Variants in UMODL1 observed in about 807,000 individuals in gnomAD.
UMODL1 encodes uromodulin-like 1.
In UMODL1, 128 loss-of-function variants were observed where a neutral mutation model predicts 136.3. The observed-to-expected ratio is 0.94, with a 90% CI of 0.81 to 1.09. UMODL1 has a LOEUF of 1.09. Among genes scored for constraint, UMODL1 ranks in the 50% least tolerant of loss-of-function variants. The pLI is 0.00. For missense variants in UMODL1, 1,766 were observed against 1,725.6 expected, an observed-to-expected ratio of 1.02 and a Z score of -0.41; for synonymous variants, 721 against 720.0, an observed-to-expected ratio of 1.00 and a Z score of -0.02.
chr21:42,104,219 AC>A, intron 9 of UMODL1, 132 bp downstream of exon 9: 1 of 1,018,682 alleles, frequency 9.8e-7, no homozygotes, highest in Non-Finnish European at 1.4e-6. Flanking sequence ...ATCTTCCTCC[AC>A]CGGAACCAGG....
chr21:42,138,491 G>A (rs2067238415), intron 22 of UMODL1, among the ~76,000 whole-genome samples: 1 of 152,182 alleles, frequency 6.6e-6, no homozygotes, highest in Non-Finnish European at 1.5e-5. Flanking sequence ...CACCACAAAT[G>A]AATGACAAGC....
chr21:42,107,760 A>C (rs2066742630), intron 9 of UMODL1, among the ~76,000 whole-genome samples: 1 of 152,086 alleles, frequency 6.6e-6, no homozygotes. Context: ...AGGGTGGCCC[A>C]GGAGATCTGG....
chr21:42,126,874 G>A (rs368402917), intron 18 of UMODL1, 132 bp from the exon 19 acceptor site: 3 of 807,882 alleles, frequency 3.7e-6, no homozygotes, highest in East Asian at 2.4e-5. Context: ...GCTCTCGTTT[G>A]GGGTTGAGGG....
chr21:42,104,026 A>G lies in UMODL1; in HGVS notation c.1458A>G (p.Ile486Met). ...TGGGCATCTCCACGCTGGCCCCCAT[A>G]CTCCAGCCCCTGTTGGCAAGCACAG... ...FPMGISTLAP[I>M]LQPLLASTVF... Residue 486 changes from isoleucine to methionine, a missense_variant, in exon 9 of 23, where the codon ATA becomes ATG. Transcript: ENST00000408910. 6.2e-7 allele frequency: 1 copy of G among 1,613,478 alleles called. No homozygotes were observed. Among genetic ancestry groups the G allele is most frequent in the Non-Finnish European group, 8.5e-7 (1 of 1,179,896 alleles).
intron 6 of UMODL1, among the ~76,000 whole-genome samples, chr21:42,094,785 A>C (rs2066533974): frequency 6.6e-6 from 1 of 152,102 alleles, no homozygotes; most frequent in Non-Finnish European, 1.5e-5. Context: ...ACACAAAGAA[A>C]ACTCTCCAAG....
At chr21:42,125,923 G>A (rs1275461654) in intron 17 of UMODL1, among the ~76,000 whole-genome samples, 1 of 152,226 alleles carries the variant, frequency 6.6e-6, no homozygotes, top group African/African-American at 2.4e-5. Flanking sequence ...CTCCCTCTGT[G>A]TTTTTCTGAA....
chr21:42,088,951 A>G (rs1184569250), intron 5 of UMODL1, among the ~76,000 whole-genome samples: 2 of 152,226 alleles, frequency 1.3e-5, no homozygotes, highest in Non-Finnish European at 2.9e-5. Flanking sequence ...CAATTTGTCT[A>G]AAGTTGAATT....
chr21:42,096,175 A>C (rs1197142317), intron 6 of UMODL1, among the ~76,000 whole-genome samples: 1 of 152,210 alleles, frequency 6.6e-6, no homozygotes, highest in African/African-American at 2.4e-5. Flanking sequence ...GACAATTCCA[A>C]ATGCTTCAAG....
rs907086810 is a variant in UMODL1 at position 42,126,420 on chromosome 21, A to C, written c.3223A>C (p.Ile1075Leu). 6 of 1,614,204 alleles carry C rather than the reference A, an allele frequency of 3.7e-6. No homozygotes were observed. Among genetic ancestry groups the C allele is most frequent in the Non-Finnish European group, 5.1e-6 (6 of 1,180,028 alleles). ...SQEGIIHHLK[I>L]LSPIYCAFQN... ...GGAGGGCATCATCCACCACCTGAAG[A>C]TCCTGAGCCCCATCTACTGCGCCTT... Residue 1075 changes from isoleucine to leucine, a missense_variant, in exon 18 of 23, where the codon ATC becomes CTC. Transcript: ENST00000408910.
intron 2 of UMODL1, 147 bp downstream of exon 2, chr21:42,076,394 G>C (rs1240673869): frequency 7.6e-7 from 1 of 1,313,888 alleles, no homozygotes; most frequent in Non-Finnish European, 1.0e-6. Context: ...GCAGGTCATC[G>C]GCAGGGCTTT....
At chr21:42,120,984 T>G (rs1601255606) in intron 15 of UMODL1, 103 bp from the exon 16 acceptor site, 10 of 1,431,402 alleles carry the variant, frequency 7.0e-6, no homozygotes. Flanking sequence ...GTGGCTGGAG[T>G]TTCCAGCTTT....
At chr21:42,130,247 C>A (rs111586294) in intron 21 of UMODL1, among the ~76,000 whole-genome samples, 1 of 100,874 alleles carries the variant, frequency 9.9e-6, no homozygotes, top group African/African-American at 3.5e-5. Flanking sequence ...TGTGTGTGTG[C>A]GTGCACACGA....
At chr21:42,101,332 C>A (rs1172831460) in intron 7 of UMODL1, among the ~76,000 whole-genome samples, 1 of 152,084 alleles carries the variant, frequency 6.6e-6, no homozygotes, top group African/African-American at 2.4e-5. Flanking sequence ...AGTGCTCCTC[C>A]CTCTTGCTAA....
rs779762485 is a variant in UMODL1, at chr21:42,102,195, A to G, written c.1216A>G (p.Ile406Val). The change falls in exon 8 of 23, where the codon ATT (isoleucine) becomes GTT (valine). Residue 406 changes from isoleucine (I) to valine (V), a missense_variant. By Grantham distance (29) the Ile-to-Val change is conservative. Coordinates refer to ENST00000408910, the MANE Select transcript of UMODL1 (RefSeq NM_001004416.3). Reference sequence around the variant, plus strand: ...CCAGGTATTTGAAGTCACAATAAAGATTGTAAACCACAACCTGACGGAGAA... The same window carrying G: ...CCAGGTATTTGAAGTCACAATAAAGGTTGTAAACCACAACCTGACGGAGAA... ...NAQVFEVTIK[I>V]VNHNLTEKLL... is the part of the protein sequence containing the mutation. 6.2e-7 allele frequency: 1 copy of G among 1,613,636 alleles called. No individual in the cohort carries two copies. Among genetic ancestry groups the G allele is most frequent in the African/African-American group, 1.3e-5 (1 of 74,930 alleles).
In UMODL1 at chr21:42,142,245, C is replaced by T. The variant is rs1291640951; in HGVS notation, c.*171C>T. ...GTCTGCTCTGACGGGTGGGCTCTGCCAGAGCCCGGGTGAGCCCAGAAAGGA... is the reference window on the plus strand; with the variant it reads ...GTCTGCTCTGACGGGTGGGCTCTGCTAGAGCCCGGGTGAGCCCAGAAAGGA... On this transcript the variant is annotated 3_prime_UTR_variant, in exon 23 of 23. Coordinates refer to ENST00000408910, the MANE Select transcript of UMODL1 (RefSeq NM_001004416.3). 1.3e-5 allele frequency: 2 copies of T among 152,286 alleles called. No individual in the cohort carries two copies. Among genetic ancestry groups the T allele is most frequent in the Non-Finnish European group, 2.9e-5 (2 of 68,116 alleles). 9.4% of individuals were successfully genotyped at this position (152,286 alleles called of 1,614,324 possible). A position where few individuals can be genotyped will look rare whatever the true frequency, so the allele number is the denominator to read the frequency against.
chr21:42,090,085 G>A, intron 5 of UMODL1, among the ~76,000 whole-genome samples: 1 of 152,218 alleles, frequency 6.6e-6, no homozygotes, highest in East Asian at 1.9e-4. Flanking sequence ...CTGAACGTGG[G>A]CTGCTGCTTG....
chr21:42,111,266 A>T (rs767407638), intron 11 of UMODL1, 145 bp downstream of exon 11: 1 of 1,416,500 alleles, frequency 7.1e-7, no homozygotes, highest in African/African-American at 1.5e-5. Flanking sequence ...CAGCCAGGGG[A>T]GCCCCAGCCA....
rs1569172414 is a variant in UMODL1, at chr21:42,123,477, G to A, written c.3147+327G>A. On this transcript the variant is annotated intron_variant, in intron 17 of 22. Coordinates refer to ENST00000408910, the MANE Select transcript of UMODL1 (RefSeq NM_001004416.3). This position sits in a 1 kb window ranked among gnomAD's most constrained non-coding sequence, Gnocchi z 4.4. Reference sequence around the variant, plus strand: ...AAAGCCAAGGAGTCCTGTGTGATATGAGAGTGTGTGTGTGTGAGTGTACGT... The same window carrying A: ...AAAGCCAAGGAGTCCTGTGTGATATAAGAGTGTGTGTGTGTGAGTGTACGT... Among the ~76,000 whole-genome samples the A allele has an allele frequency of 7.3e-6, 1 of 137,180 alleles. No individual in the cohort carries two copies. The highest frequency in any genetic ancestry group is 1.6e-5 in the Non-Finnish European group (1 of 60,784). The allele number at this position is 137,180 out of a possible 152,430, so 90.0% of individuals were successfully genotyped here.
rs180838844 is a variant in UMODL1, at chr21:42,098,595, C to T, written c.932-331C>T. ...CATCCTGGCCAACATGGTGAAACCC[C>T]GTCTCTACTAAAAATGCAAAAAATT... On this transcript the variant is annotated intron_variant, in intron 6 of 22. Transcript: ENST00000408910. 3.4e-4 allele frequency among the ~76,000 whole-genome samples: 51 copies of T among 150,026 alleles called. 1 individual carries two copies. The East Asian group carries it at 6.9e-3, about 20-fold the overall frequency.
Sources: allele counts gnomAD v4.1 joint callset (sites outside exome capture counted in the v4.1 genomes callset), GRCh38; gene constraint gnomAD v4.1.1; non-coding constraint Gnocchi (gnomAD v3.1); transcripts MANE v1.5; gene names NCBI Gene and HGNC (gene_info 2026-07-23, HGNC 2026-07-21).